The following ZNF609 variants were observed in gnomAD, a reference collection of about 807,000 sequenced individuals.
ZNF609 encodes zinc finger protein 609.
A neutral mutation model predicts 109.5 loss-of-function variants in ZNF609; 11 were observed. The ratio of observed to expected loss-of-function variants is 0.10; its 90% CI spans 0.06 to 0.17. The LOEUF (loss-of-function observed/expected upper bound fraction) is 0.17. Ranked by LOEUF, ZNF609 falls within the 10% of genes least tolerant of loss-of-function variation. ZNF609 has a pLI of 1.00. For missense variants in ZNF609, 1,559 were observed against 1,772.4 expected (o/e 0.88, Z 2.16); for synonymous variants, 646 against 662.0 (o/e 0.98, Z 0.37).
intron 3 of ZNF609, among the ~76,000 whole-genome samples, chr15:64,628,118 T>A (rs565254119): frequency 8.5e-4 from 128 of 149,976 alleles, no homozygotes; most frequent in African/African-American, 2.6e-3. Context: ...ACAAAAAAAA[T>A]TTTTTTTAAA....
intron 3 of ZNF609, among the ~76,000 whole-genome samples, chr15:64,661,718 T>G (rs922354763): frequency 6.6e-6 from 1 of 152,156 alleles, no homozygotes; most frequent in Non-Finnish European, 1.5e-5. Flanking sequence ...TCCAGCACAT[T>G]CCATAAAGTT....
chr15:64,500,110 G>A lies in ZNF609; in HGVS notation c.691G>A (p.Glu231Lys). The change falls in exon 2 of 10, where the codon GAG becomes AAG. Residue 231 changes from glutamate (E) to lysine (K), a missense_variant. Physicochemically the swap from Glu to Lys is moderately conservative, Grantham distance 56 (BLOSUM62 1). This residue lies in a region of ZNF609 where 291 missense variants were observed against 317.8 expected (regional missense o/e 0.92). Transcript: ENST00000326648. ...GCTCAATCCTTTGGGAACTAAACCG[G>A]AGCCAGAGGAAGGGGAGAATGAGTG... The part of the protein sequence containing the change: ...AALNPLGTKP[E>K]PEEGENECRL... 1.9e-6 allele frequency: 3 copies of A among 1,614,032 alleles called. No homozygotes were observed. The highest frequency in any genetic ancestry group is 2.5e-6 in the Non-Finnish European group (3 of 1,180,026).
At chr15:64,472,818 GC>G (rs1893109935) in intron 1 of ZNF609, among the ~76,000 whole-genome samples, 5 of 152,194 alleles carry the variant, frequency 3.3e-5, no homozygotes, top group Non-Finnish European at 7.4e-5. Context: ...CTTTACTCCA[GC>G]CTGGGCAGCA....
At chr15:64,615,687 G>A (rs1024191621) in intron 2 of ZNF609, among the ~76,000 whole-genome samples, 2 of 151,872 alleles carry the variant, frequency 1.3e-5, no homozygotes, top group African/African-American at 4.8e-5. Context: ...GGGTTTTGCC[G>A]TGTTGGTCAG....
intron 1 of ZNF609, among the ~76,000 whole-genome samples, chr15:64,462,594 CCCTGTTT>C (rs1892959727): frequency 6.6e-6 from 1 of 151,824 alleles, no homozygotes; most frequent in African/African-American, 2.4e-5. Context: ...CAAAGCAAGA[CCCTGTTT>C]CTTTAAAAAT....
At chr15:64,659,652 C>T (rs1454626558) in intron 3 of ZNF609, among the ~76,000 whole-genome samples, 2 of 152,014 alleles carry the variant, frequency 1.3e-5, no homozygotes, top group Non-Finnish European at 2.9e-5. Flanking sequence ...ATCTCAGGAA[C>T]CTTCAAAGGG....
chr15:64,507,919 T>C (rs967667330), intron 2 of ZNF609, among the ~76,000 whole-genome samples: 1 of 152,238 alleles, frequency 6.6e-6, no homozygotes, highest in Non-Finnish European at 1.5e-5. Flanking sequence ...AGTTTAGTCA[T>C]GGTTCAGAGC....
chr15:64,681,248 GA>G, intron 8 of ZNF609, 60 bp from the exon 9 acceptor site: 3 of 1,522,492 alleles, frequency 2.0e-6, no homozygotes, highest in Non-Finnish European at 2.7e-6. Context: ...AAAACTCAGG[GA>G]AAAAGATTAA....
At chr15:64,680,104 TGCCCACCCAATCAA>T (rs1896860649) in intron 6 of ZNF609, 67 bp from the exon 7 acceptor site, 1 of 1,474,758 alleles carries the variant, frequency 6.8e-7, no homozygotes, top group African/African-American at 1.4e-5. Context: ...GGAAAGCTGA[TGCCCACCCAATCAA>T]GCTCACTAAA....
chr15:64,480,503 C>T (rs1001617100), intron 1 of ZNF609, among the ~76,000 whole-genome samples: 72 of 151,676 alleles, frequency 4.7e-4, no homozygotes, highest in Non-Finnish European at 1.2e-4. Flanking sequence ...TGCACTCCAG[C>T]CTGCACAACA....
intron 2 of ZNF609, among the ~76,000 whole-genome samples, chr15:64,613,319 CGAA>C (rs748276794): frequency 7.9e-5 from 12 of 151,748 alleles, no homozygotes; most frequent in Admixed American, 2.0e-4. Context: ...AGAAAAAAAA[CGAA>C]GAAGAAGAAG....
At chr15:64,461,222 G>C (rs1456726348) in intron 1 of ZNF609, among the ~76,000 whole-genome samples, 10 of 121,178 alleles carry the variant, frequency 8.3e-5, no homozygotes, top group African/African-American at 2.8e-4. Context: ...GGCGGGGGAG[G>C]GGGGGCGGGG....
At chr15:64,462,505 A>T (rs1297138343) in intron 1 of ZNF609, among the ~76,000 whole-genome samples, 1 of 152,232 alleles carries the variant, frequency 6.6e-6, no homozygotes, top group Non-Finnish European at 1.5e-5. Context: ...GTGGTGGCTC[A>T]TGCTTGTAAT....
chr15:64,496,375 G>A (rs548705740), intron 1 of ZNF609, among the ~76,000 whole-genome samples: 1 of 152,284 alleles, frequency 6.6e-6, no homozygotes, highest in South Asian at 2.1e-4. Context: ...TTGTTTTAAT[G>A]GTTAAATTAC....
At position 64,678,120 on chromosome 15, in the gene ZNF609, C is replaced by T; in HGVS notation, c.3407C>T (p.Ala1136Val). Residue 1136 changes from alanine to valine, a missense_variant, in exon 6 of 10, where the codon GCA (alanine) becomes GTA (valine). By Grantham distance (64) the Ala-to-Val change is moderately conservative. This residue lies in a region of ZNF609 where 1,204 missense variants were observed against 1,314.1 expected (regional missense o/e 0.92). Transcript: ENST00000326648. ...GTTGTTCTGTGATTGTTGTAGGAGG[C>T]AGAGCCCCGGATGTGGACATATGTT... is the stretch of plus-strand genomic sequence containing the variant. Reference protein sequence around the residue: ...MDPILWYRQEAEPRMWTYVYP... With the variant: ...MDPILWYRQEVEPRMWTYVYP... 1.2e-6 allele frequency: 2 copies of T among 1,611,610 alleles called. No individual in the cohort carries two copies. Among genetic ancestry groups the T allele is most frequent in the South Asian group, 2.2e-5 (2 of 90,694 alleles).
At chr15:64,530,654 T>C (rs1894047472) in intron 2 of ZNF609, among the ~76,000 whole-genome samples, 1 of 152,214 alleles carries the variant, frequency 6.6e-6, no homozygotes, top group Non-Finnish European at 1.5e-5. Flanking sequence ...TGTCTTATCT[T>C]TGTGACTGAC....
At chr15:64,536,326 G>T (rs151328611) in intron 2 of ZNF609, among the ~76,000 whole-genome samples, 1 of 152,088 alleles carries the variant, frequency 6.6e-6, no homozygotes, top group Admixed American at 6.6e-5. Flanking sequence ...CCAGCCTATG[G>T]CATGATTTTA....
chr15:64,617,280 C>G (rs1435603545), intron 2 of ZNF609, among the ~76,000 whole-genome samples: 1 of 151,630 alleles, frequency 6.6e-6, no homozygotes, highest in Non-Finnish European at 1.5e-5. Flanking sequence ...TTTCAGCCTC[C>G]CAAAGTGCTA....
At chr15:64,655,903 G>T (rs374219220) in intron 3 of ZNF609, among the ~76,000 whole-genome samples, 1 of 152,194 alleles carries the variant, frequency 6.6e-6, no homozygotes, top group African/African-American at 2.4e-5. Context: ...TAGGGGGCAG[G>T]GGCATGGAAA....
Sources: gnomAD v4.1 joint callset for allele counts (sites outside exome capture counted in the v4.1 genomes callset) on GRCh38, gnomAD v4.1.1 for gene constraint, gnomAD v4.1.1 regional missense constraint, MANE v1.5 for transcripts, NCBI Gene and HGNC (gene_info 2026-07-23, HGNC 2026-07-21) for gene names.